CREB5: variants seen among roughly 807,000 people sequenced by gnomAD.
The protein encoded by CREB5 is cAMP responsive element binding protein 5.
In CREB5, 19 loss-of-function variants were observed where a neutral mutation model predicts 57.1. The ratio of observed to expected loss-of-function variants is 0.33; its 90% CI spans 0.23 to 0.49. The LOEUF is 0.49. CREB5 is among the 20% of genes least tolerant of loss of function. CREB5 has a pLI of 0.99. For missense variants in CREB5, 579 were observed against 671.6 expected (o/e 0.86, Z 1.52); for synonymous variants, 238 against 238.3 (o/e 1.00, Z 0.01).
chr7:28,381,646 G>C (rs1035948631), intron 1 of CREB5, among the ~76,000 whole-genome samples: 6 of 152,200 alleles, frequency 3.9e-5, no homozygotes, highest in African/African-American at 1.4e-4. Context: ...ATAAAACCAA[G>C]AGTACCCTGG....
intron 5 of CREB5, among the ~76,000 whole-genome samples, chr7:28,619,741 C>T (rs112551817): frequency 0.011 from 1,620 of 152,212 alleles, 16 homozygotes; most frequent in Non-Finnish European, 0.016. Context: ...TCCAGGATGA[C>T]GATGAAGGAA....
intron 1 of CREB5, among the ~76,000 whole-genome samples, chr7:28,348,088 C>T (rs1248131968): frequency 6.6e-6 from 1 of 151,976 alleles, no homozygotes; most frequent in Non-Finnish European, 1.5e-5. Flanking sequence ...GTTCATGTGC[C>T]GAGATTCCTT....
intron 5 of CREB5, among the ~76,000 whole-genome samples, chr7:28,632,062 A>G (rs1798225625): frequency 1.3e-5 from 2 of 152,198 alleles, no homozygotes; most frequent in South Asian, 2.1e-4. Flanking sequence ...TTGCAAATAG[A>G]AAATAGCACT....
intron 4 of CREB5, among the ~76,000 whole-genome samples, chr7:28,562,046 A>G (rs1005822316): frequency 6.6e-6 from 1 of 152,180 alleles, no homozygotes; most frequent in Non-Finnish European, 1.5e-5. Context: ...AGCCCTGCCA[A>G]TTACATCATT....
chr7:28,615,463 A>G (rs1797561429), intron 5 of CREB5: 1 of 152,312 alleles, frequency 6.6e-6, no homozygotes, highest in South Asian at 2.1e-4. Flanking sequence ...CTTGTTCCCC[A>G]CAGTGTCCTC....
intron 7 of CREB5, chr7:28,779,203 T>C (rs1263962594): frequency 2.0e-5 from 3 of 152,198 alleles, no homozygotes; most frequent in Non-Finnish European, 2.9e-5. Context: ...AGGACCTTAT[T>C]TGAGAAGTTC....
intron 5 of CREB5, among the ~76,000 whole-genome samples, chr7:28,596,370 T>C (rs979359909): frequency 6.6e-6 from 1 of 152,218 alleles, no homozygotes; most frequent in Non-Finnish European, 1.5e-5. Flanking sequence ...TTTCTTGCAT[T>C]GCATTGCATT....
intron 5 of CREB5, among the ~76,000 whole-genome samples, chr7:28,706,580 G>A (rs1250734936): frequency 6.6e-6 from 1 of 152,160 alleles, no homozygotes; most frequent in African/African-American, 2.4e-5. Context: ...AGGTTGAAAA[G>A]CCATTTGAGA....
At chr7:28,563,080 C>T (rs1352131079) in intron 4 of CREB5, among the ~76,000 whole-genome samples, 1 of 152,134 alleles carries the variant, frequency 6.6e-6, no homozygotes, top group Non-Finnish European at 1.5e-5. Flanking sequence ...GTATAGTAAC[C>T]ATATATCTAC....
chr7:28,424,380 G>A (rs1788407119), intron 1 of CREB5, among the ~76,000 whole-genome samples: 1 of 152,178 alleles, frequency 6.6e-6, no homozygotes, highest in African/African-American at 2.4e-5. Context: ...GATTGGGAGT[G>A]ATATGTTTTC....
intron 4 of CREB5, among the ~76,000 whole-genome samples, chr7:28,547,468 A>C (rs1794465237): frequency 6.6e-6 from 1 of 152,198 alleles, no homozygotes; most frequent in Admixed American, 6.5e-5. Context: ...TGCAGTCTTG[A>C]GGCAGTTGTT....
chr7:28,723,766 C>T lies in CREB5; in HGVS notation c.592-456C>T, dbSNP rs187370651. Reference sequence around the variant, plus strand: ...GAGACAAAAAAAGCCATAGATTTCCCAAGTTAACCATTTGGTATATTATTT... The same window carrying T: ...GAGACAAAAAAAGCCATAGATTTCCTAAGTTAACCATTTGGTATATTATTT... On this transcript the variant is annotated intron_variant, in intron 6 of 10. Transcript: ENST00000357727. Among the ~76,000 whole-genome samples, 39 of 152,264 alleles carry T rather than the reference C, an allele frequency of 2.6e-4. 1 individual carries two copies. The East Asian group carries it at 6.6e-3, about 26-fold the overall frequency.
intron 1 of CREB5, among the ~76,000 whole-genome samples, chr7:28,477,140 A>G (rs1430033327): frequency 2.0e-5 from 3 of 152,296 alleles, no homozygotes; most frequent in Non-Finnish European, 4.4e-5. Context: ...AAGTTGAATC[A>G]TATTTGAACA....
intron 5 of CREB5, among the ~76,000 whole-genome samples, chr7:28,638,372 A>G (rs1055925523): frequency 4.9e-4 from 8 of 16,366 alleles, no homozygotes; most frequent in African/African-American, 3.5e-3. Context: ...TGGAAACAGA[A>G]TCTCACTCTG....
chr7:28,805,458 G>C (rs1174524532), intron 8 of CREB5, among the ~76,000 whole-genome samples: 1 of 152,124 alleles, frequency 6.6e-6, no homozygotes, highest in African/African-American at 2.4e-5. Context: ...TGAATCAGAA[G>C]GGTGTCGGAA....
chr7:28,403,695 T>C (rs1018013810), intron 1 of CREB5, among the ~76,000 whole-genome samples: 6 of 152,212 alleles, frequency 3.9e-5, no homozygotes, highest in African/African-American at 1.4e-4. Context: ...TGGTGGATCC[T>C]GTCAATCATA....
chr7:28,388,428 C>T (rs1310375398), intron 1 of CREB5, among the ~76,000 whole-genome samples: 1 of 152,180 alleles, frequency 6.6e-6, no homozygotes, highest in African/African-American at 2.4e-5. Context: ...AAAATCCAAA[C>T]CTCTTGGTTA....
chr7:28,481,951 T>C (rs1289750367), intron 1 of CREB5, among the ~76,000 whole-genome samples: 2 of 152,188 alleles, frequency 1.3e-5, no homozygotes, highest in Non-Finnish European at 2.9e-5. Context: ...TGGACTGAAA[T>C]TCAAGGTGTT....
chr7:28,717,734 C>A (rs1583605187), intron 5 of CREB5, among the ~76,000 whole-genome samples: 1 of 152,298 alleles, frequency 6.6e-6, no homozygotes, highest in Middle Eastern at 3.4e-3. Context: ...GCATAACATT[C>A]AGGAGAAGGT....
Sources: allele counts gnomAD v4.1 joint callset (sites outside exome capture counted in the v4.1 genomes callset), GRCh38; gene constraint gnomAD v4.1.1; transcripts MANE v1.5; gene names NCBI Gene and HGNC (gene_info 2026-07-23, HGNC 2026-07-21).